The following TCERG1 variants were observed in gnomAD, a reference collection of about 807,000 sequenced individuals.
TCERG1 encodes the protein transcription elongation regulator 1.
In TCERG1, 37 loss-of-function variants were observed where a neutral mutation model predicts 144.7. That is an observed-to-expected ratio of 0.26 (90% CI 0.20 to 0.34). The LOEUF is 0.34. TCERG1 is among the 10% of genes least tolerant of loss of function. The pLI, the probability that TCERG1 is intolerant of heterozygous loss-of-function variation, is 1.00. For missense variants in TCERG1, 1,027 were observed against 1,380.7 expected (o/e 0.74, Z 4.06); for synonymous variants, 492 against 458.2 (o/e 1.07, Z -0.94).
At chr5:146,482,755 T>C (rs1765472918) in intron 14 of TCERG1, 28 bp downstream of exon 14, 1 of 1,582,684 alleles carries the variant, frequency 6.3e-7, no homozygotes, top group Non-Finnish European at 8.6e-7. Flanking sequence ...GGGGGAGATA[T>C]TTCTGTTTTG....
intron 15 of TCERG1, among the ~76,000 whole-genome samples, chr5:146,491,314 C>T (rs1766398826): frequency 6.6e-6 from 1 of 151,864 alleles, no homozygotes. Flanking sequence ...TTTAGGTGGG[C>T]CCTCGTGCTT....
chr5:146,468,182 C>T (rs1763963890), intron 5 of TCERG1, among the ~76,000 whole-genome samples, 159 bp from the exon 6 acceptor site: 1 of 151,980 alleles, frequency 6.6e-6, no homozygotes, highest in South Asian at 2.1e-4. Context: ...GCAGCACTTC[C>T]CACAAAATGT....
At chr5:146,468,487 T>C (rs1242601560) in intron 6 of TCERG1, 84 bp downstream of exon 6, 1 of 1,352,406 alleles carries the variant, frequency 7.4e-7, no homozygotes, top group Non-Finnish European at 1.0e-6. Flanking sequence ...TATTTATTTT[T>C]TGCCCAAGTG....
At position 146,469,742 on chromosome 5, in the gene TCERG1, A is replaced by C; in HGVS notation, c.1397A>C (p.Lys466Thr). The change falls in exon 7 of 23, where the codon AAA (lysine) becomes ACA (threonine). Residue 466 changes from lysine (K) to threonine (T), a missense_variant and splice_region_variant. Physicochemically the swap from Lys to Thr is moderately conservative, Grantham distance 78. Coordinates refer to ENST00000679501, the MANE Select transcript of TCERG1 (RefSeq NM_001382548.1). The stretch of plus-strand genomic sequence containing the variant: ...GAAAAACCCCAAGAACTAAAGGAAA[A>C]AGGTATATAGTGGTTTTAATGACTT... ...TWEKPQELKE[K>T]EKLEEKIKEP... is the part of the protein sequence containing the mutation. 1 of 1,599,616 alleles carries C rather than the reference A, an allele frequency of 6.3e-7. No individual in the cohort carries two copies. The highest frequency in any genetic ancestry group is 1.1e-5 in the South Asian group (1 of 88,894).
chr5:146,458,948 T>C lies in TCERG1; in HGVS notation c.503T>C (p.Ile168Thr). 6.2e-7 allele frequency: 1 copy of C among 1,614,244 alleles called. No individual in the cohort carries two copies. Among genetic ancestry groups the C allele is most frequent in the South Asian group, 1.1e-5 (1 of 91,090 alleles). The change falls in exon 4 of 23, where the codon ATT becomes ACT. Residue 168 changes from isoleucine (I) to threonine (T), a missense_variant. Coordinates refer to ENST00000679501, the MANE Select transcript of TCERG1 (RefSeq NM_001382548.1). ...ACCAAGCCAGATGGAGTTAAGGTTA[T>C]TCAGCAATCAGAACTGACACCTATG... is the stretch of plus-strand genomic sequence containing the variant. ...AWTKPDGVKV[I>T]QQSELTPMLA...
In TCERG1 at chr5:146,482,825, TG is replaced by T. The variant is rs576771987; in HGVS notation, c.2073+106del. The T allele has an allele frequency of 3.1e-4, 417 of 1,339,284 alleles. 1 individual carries two copies. Among genetic ancestry groups the T allele is most frequent in the South Asian group, 4.1e-4 (19 of 46,464 alleles). The allele number at this position is 1,339,284 out of a possible 1,614,324, so 83.0% of individuals were successfully genotyped here. A position where few individuals can be genotyped will look rare whatever the true frequency, so the allele number is the denominator to read the frequency against. ...AAATCTAAGGTTAGTGCTCATGTTA[TG>T]GGGGGGGATAAGGGGATTTTTAAAA... is the stretch of plus-strand genomic sequence containing the variant. On this transcript the variant is annotated intron_variant, in intron 14 of 22. Coordinates refer to ENST00000679501, the MANE Select transcript of TCERG1 (RefSeq NM_001382548.1).
chr5:146,483,603 C>T lies in TCERG1; in HGVS notation c.2137C>T (p.Leu713Phe). 1 of 1,612,104 alleles carries T rather than the reference C, an allele frequency of 6.2e-7. No individual in the cohort carries two copies. Among genetic ancestry groups the T allele is most frequent in the South Asian group, 1.1e-5 (1 of 90,874 alleles). Reference protein sequence around the residue: ...HKIVFDPRYLLLNPKERKQVF... With the variant: ...HKIVFDPRYLFLNPKERKQVF... ...GATAGTTTTTGATCCCCGGTACTTACTTCTCAATCCTAAAGAGAGAAAACA... is the reference window on the plus strand; with the variant it reads ...GATAGTTTTTGATCCCCGGTACTTATTTCTCAATCCTAAAGAGAGAAAACA... The change falls in exon 15 of 23, where the codon CTT becomes TTT. Residue 713 changes from leucine to phenylalanine, a missense_variant. Leu to Phe is a conservative substitution (Grantham distance 22, BLOSUM62 0). Around this residue, in one of 6 missense-constraint regions of TCERG1, gnomAD observed 482 missense variants for 632.6 expected, o/e 0.76. Coordinates refer to ENST00000679501, the MANE Select transcript of TCERG1 (RefSeq NM_001382548.1).
intron 9 of TCERG1, among the ~76,000 whole-genome samples, chr5:146,476,264 A>T (rs1764830540): frequency 6.6e-6 from 1 of 152,174 alleles, no homozygotes; most frequent in Admixed American, 6.5e-5. Flanking sequence ...TGCCATTTAG[A>T]TCTACCTGAA....
In TCERG1 at chr5:146,481,195, A is replaced by G; in HGVS notation, c.1932A>G (p.Leu644=). The G allele has an allele frequency of 1.0e-6, 1 of 985,252 alleles. No homozygotes were observed. Among genetic ancestry groups the G allele is most frequent in the Non-Finnish European group, 1.2e-6 (1 of 829,826 alleles). The allele number at this position is 985,252 out of a possible 1,614,324, so 61.0% of individuals were successfully genotyped here. Residue 644 remains leucine, a synonymous_variant, in exon 13 of 23, where the codon CTA becomes CTG. Coordinates refer to ENST00000679501, the MANE Select transcript of TCERG1 (RefSeq NM_001382548.1). Reference sequence around the variant, plus strand: ...TTATGTGGATTGCCCGAGCTTCTCTATTTAGGTACAAAGCTAAAAGCCTGT... The same window carrying G: ...TTATGTGGATTGCCCGAGCTTCTCTGTTTAGGTACAAAGCTAAAAGCCTGT... ...KSFMWIARAS[L]FRRDDNKDID...
rs956593570 is a variant in TCERG1, at chr5:146,463,030, C to T, written c.893-521C>T. On this transcript the variant is annotated intron_variant, in intron 4 of 22. Transcript: ENST00000679501. Reference sequence around the variant, plus strand: ...TTCCTATCCATTTAAGGGCATACTCCTTAGCCTTTTGTTCAAGGCTTTCTA... The same window carrying T: ...TTCCTATCCATTTAAGGGCATACTCTTTAGCCTTTTGTTCAAGGCTTTCTA... Among the ~76,000 whole-genome samples the T allele has an allele frequency of 2.6e-5, 4 of 152,128 alleles. No homozygotes were observed. The East Asian group carries it at 7.7e-4, about 29-fold the overall frequency.
At chr5:146,487,561 ATC>A (rs1274593686) in intron 15 of TCERG1, among the ~76,000 whole-genome samples, 1 of 151,884 alleles carries the variant, frequency 6.6e-6, no homozygotes, top group African/African-American at 2.4e-5. Flanking sequence ...TCATAGTGAG[ATC>A]TCTCTACAAA....
Position 146,459,142 on chromosome 5 carries a change from G to A in TCERG1, c.697G>A (p.Ala233Thr). The change falls in exon 4 of 23, where the codon GCA becomes ACA. Residue 233 changes from alanine to threonine, a missense_variant. Around this residue, in one of 6 missense-constraint regions of TCERG1, gnomAD observed 187 missense variants for 169.1 expected, o/e 1.11. Transcript: ENST00000679501. ...AQAQAQAQAQ[A>T]QAQAQAQAQV... ...AGCCCAGGCCCAGGCTCAGGCTCAG[G>A]CACAAGCTCAGGCCCAGGCCCAGGC... is the stretch of plus-strand genomic sequence containing the variant. The A allele has an allele frequency of 1.9e-6, 3 of 1,611,080 alleles. No homozygotes were observed. The highest frequency in any genetic ancestry group is 1.1e-5 in the South Asian group (1 of 90,952).
At chr5:146,510,171 G>A in intron 22 of TCERG1, 2 of 1,140,624 alleles carry the variant, frequency 1.8e-6, no homozygotes, top group Non-Finnish European at 2.4e-6. Context: ...GTACAGCACG[G>A]GCAAGATTTA....
rs532660576 is a variant in TCERG1, at chr5:146,510,694, A to G, written c.*52A>G. The G allele has an allele frequency of 2.6e-5, 41 of 1,558,756 alleles. No individual in the cohort carries two copies. The highest frequency in any genetic ancestry group is 1.1e-4 in the South Asian group (9 of 84,384). On this transcript the variant is annotated 3_prime_UTR_variant, in exon 23 of 23. Coordinates refer to ENST00000679501, the MANE Select transcript of TCERG1 (RefSeq NM_001382548.1). ...CTATTCAAAATGCTTGCATGAGCCA[A>G]TTTTCAGGTTTTTACATATATGTGC...
intron 5 of TCERG1, among the ~76,000 whole-genome samples, chr5:146,468,132 T>TA (rs1243515857): frequency 6.6e-6 from 1 of 152,212 alleles, no homozygotes; most frequent in Non-Finnish European, 1.5e-5. Flanking sequence ...GATAAAAAGG[T>TA]AATTGATGGT....
At chr5:146,489,671 A>G (rs1471368452) in intron 15 of TCERG1, among the ~76,000 whole-genome samples, 2 of 152,076 alleles carry the variant, frequency 1.3e-5, no homozygotes, top group Non-Finnish European at 2.9e-5. Context: ...CATTCCAAGC[A>G]CTCCAGAGCT....
intron 4 of TCERG1, among the ~76,000 whole-genome samples, chr5:146,460,374 G>A (rs1365581776): frequency 1.4e-5 from 2 of 147,284 alleles, no homozygotes; most frequent in East Asian, 4.0e-4. Flanking sequence ...ATATATGGAT[G>A]TTGCTCCTTA....
chr5:146,466,193 G>T (rs1213770186), intron 5 of TCERG1, among the ~76,000 whole-genome samples: 1 of 151,948 alleles, frequency 6.6e-6, no homozygotes, highest in Non-Finnish European at 1.5e-5. Flanking sequence ...CAAATCTTTG[G>T]TTTTACAAAC....
intron 15 of TCERG1, among the ~76,000 whole-genome samples, chr5:146,488,902 A>G (rs1274323034): frequency 6.6e-6 from 1 of 152,036 alleles, no homozygotes; most frequent in African/African-American, 2.4e-5. Flanking sequence ...ATTTGCAGCA[A>G]CATCGATGGA....
Sources: gnomAD v4.1 joint callset for allele counts (sites outside exome capture counted in the v4.1 genomes callset) on GRCh38, gnomAD v4.1.1 for gene constraint, gnomAD v4.1.1 regional missense constraint, MANE v1.5 for transcripts, NCBI Gene and HGNC (gene_info 2026-07-23, HGNC 2026-07-21) for gene names.